Variants in SLC3A2 observed in about 807,000 individuals in gnomAD.
SLC3A2 encodes the protein amino acid transporter heavy chain SLC3A2.
A neutral mutation model predicts 48.5 loss-of-function variants in SLC3A2; 32 were observed. The observed-to-expected ratio is 0.66, with a 90% CI of 0.50 to 0.89. The LOEUF (loss-of-function observed/expected upper bound fraction) is 0.89, where lower values mean the gene tolerates loss of function less well. Ranked by LOEUF, SLC3A2 falls within the 40% of genes least tolerant of loss-of-function variation. The pLI, the probability that SLC3A2 is intolerant of heterozygous loss-of-function variation, is 0.00. For synonymous variants in SLC3A2, 277 were observed against 288.8 expected (o/e 0.96, Z 0.41); for missense variants, 587 against 680.7 (o/e 0.86, Z 1.53).
At chr11:62,874,380 T>C (rs1304823404) in intron 1 of SLC3A2, among the ~76,000 whole-genome samples, 4 of 152,176 alleles carry the variant, frequency 2.6e-5, no homozygotes, top group African/African-American at 4.8e-5. Flanking sequence ...GGTGTTTATC[T>C]TTTAGTATTT....
intron 1 of SLC3A2, among the ~76,000 whole-genome samples, chr11:62,860,902 T>C (rs1321445589): frequency 6.6e-6 from 1 of 152,182 alleles, no homozygotes; most frequent in Non-Finnish European, 1.5e-5. Context: ...CCTAAATCCA[T>C]TAAACCTTGA....
rs1590632826 is a variant in SLC3A2, at chr11:62,881,472, G to C, written c.424+25G>C. 6.5e-7 allele frequency: 1 copy of C among 1,544,920 alleles called. No homozygotes were observed. Among genetic ancestry groups the C allele is most frequent in the Non-Finnish European group, 8.7e-7 (1 of 1,153,372 alleles). On this transcript the variant is annotated intron_variant, in intron 1 of 8. Coordinates refer to ENST00000338663, the MANE Select transcript of SLC3A2 (RefSeq NM_001013251.3). This position sits in a 1 kb window ranked among gnomAD's most constrained non-coding sequence, Gnocchi z 4.0. ...GGTGAGTGCAGCGCGCCCCCGTCCC[G>C]GGTACCTCCGGTTGAATCTGGTGGC...
At chr11:62,871,396 GCCTGA>G (rs1401673918) in intron 1 of SLC3A2, among the ~76,000 whole-genome samples, 112 of 151,572 alleles carry the variant, frequency 7.4e-4, no homozygotes, top group African/African-American at 2.6e-3. Flanking sequence ...CCGCCACCAT[GCCTGA>G]CTAATTTTTT....
intron 3 of SLC3A2, chr11:62,884,245 G>C: frequency 1.6e-6 from 1 of 611,254 alleles, no homozygotes; most frequent in South Asian, 1.9e-5. Context: ...GAAGTAAAAT[G>C]CTGTAGCACT....
intron 7 of SLC3A2, among the ~76,000 whole-genome samples, chr11:62,886,202 A>G (rs1291207218): frequency 6.6e-6 from 1 of 152,030 alleles, no homozygotes; most frequent in East Asian, 1.9e-4. Context: ...AGGCAAGAGA[A>G]TCGCTTGAAC....
chr11:62,880,906 G>T lies in SLC3A2; in HGVS notation c.-118G>T, dbSNP rs1424451825. 6.9e-7 allele frequency: 1 copy of T among 1,449,998 alleles called. No homozygotes were observed. The highest frequency in any genetic ancestry group is 9.1e-7 in the Non-Finnish European group (1 of 1,101,360). 89.8% of individuals were successfully genotyped at this position (1,449,998 alleles called of 1,614,324 possible). Reference sequence around the variant, plus strand: ...CGCCTGCTGCTGAGCAGATGCAGTAGCCGAAACTGCGCGGAGGCACAGAGG... The same window carrying T: ...CGCCTGCTGCTGAGCAGATGCAGTATCCGAAACTGCGCGGAGGCACAGAGG... On this transcript the variant is annotated 5_prime_UTR_variant, in exon 1 of 9. An upstream open reading frame in the 5' UTR loses its in-frame stop. Coordinates refer to ENST00000338663, the MANE Select transcript of SLC3A2 (RefSeq NM_001013251.3).
chr11:62,884,762 A>AG, intron 5 of SLC3A2, 72 bp downstream of exon 5: 2 of 1,147,626 alleles, frequency 1.7e-6, no homozygotes, highest in African/African-American at 1.7e-5. Flanking sequence ...AGGCCTAAGA[A>AG]GGGGGGATTC....
Position 62,885,513 on chromosome 11 carries a change from C to T in SLC3A2, c.1048C>T (p.Arg350Ter), listed in dbSNP as rs2085701170. 2 of 1,614,164 alleles carry T rather than the reference C, an allele frequency of 1.2e-6. No individual in the cohort carries two copies. The highest frequency in any genetic ancestry group is 1.7e-6 in the Non-Finnish European group (2 of 1,180,014). Residue 350 changes from arginine to a stop codon, truncating the protein, a stop_gained, in exon 7 of 9, where the codon CGA becomes TGA. Coordinates refer to ENST00000338663, the MANE Select transcript of SLC3A2 (RefSeq NM_001013251.3). LOFTEE classifies it high-confidence loss of function. Reference protein sequence around the residue: ...LTSFLPAQLLRLYQLMLFTLP... With the variant: ...LTSFLPAQLL ...TTCCTTCTTGCCGGCTCAACTTCTC[C>T]GACTCTACCAGCTGATGCTCTTCAC...
Position 62,885,261 on chromosome 11 carries a change from C to A in SLC3A2, c.903C>A (p.Ser301Arg). 6.2e-7 allele frequency: 1 copy of A among 1,614,212 alleles called. No individual in the cohort carries two copies. The highest frequency in any genetic ancestry group is 8.5e-7 in the Non-Finnish European group (1 of 1,180,042). ...CCAACAAAGACTTGCTGTTGACTAG[C>A]TCATACCTGTCTGATTCTGGTTCTA... ...LESNKDLLLT[S>R]SYLSDSGSTG... Residue 301 changes from serine (S) to arginine (R), a missense_variant, in exon 6 of 9, where the codon AGC (serine) becomes AGA (arginine). Transcript: ENST00000338663.
chr11:62,870,214 A>G (rs1234073367), intron 1 of SLC3A2, among the ~76,000 whole-genome samples: 1 of 148,306 alleles, frequency 6.7e-6, no homozygotes, highest in Non-Finnish European at 1.5e-5. Context: ...ACAGAGTCTC[A>G]CTTTGTTGCC....
intron 1 of SLC3A2, among the ~76,000 whole-genome samples, chr11:62,873,466 G>A (rs895922842): frequency 6.6e-6 from 1 of 151,360 alleles, no homozygotes; most frequent in Non-Finnish European, 1.5e-5. Context: ...ACCAGCCAGG[G>A]TGACAGTGCG....
exon 1 of SLC3A2, chr11:62,856,210 A>T: frequency 7.2e-7 from 1 of 1,384,532 alleles, no homozygotes; most frequent in Non-Finnish European, 1.0e-6. Context: ...CTACCCTCTA[A>T]CCCTGTTCTG....
At chr11:62,874,924 G>A (rs912644828) in intron 1 of SLC3A2, among the ~76,000 whole-genome samples, 9 of 151,972 alleles carry the variant, frequency 5.9e-5, no homozygotes, top group East Asian at 3.9e-4. Context: ...CATCGTGTGC[G>A]ACTAATTTTT....
chr11:62,884,549 G>A (rs1455456253), intron 4 of SLC3A2, 24 bp downstream of exon 4: 2 of 1,614,146 alleles, frequency 1.2e-6, no homozygotes, highest in East Asian at 2.2e-5. Flanking sequence ...CCACATTAGG[G>A]ACAAAGCTTG....
At position 62,884,813 on chromosome 11, in the gene SLC3A2, C is replaced by CTTTTTTTTTTTTTTTTTTT. The variant is rs541507991; in HGVS notation, c.818+140_818+158dup. On this transcript the variant is annotated intron_variant, in intron 5 of 8. Transcript: ENST00000338663. Reference sequence around the variant, plus strand: ...TTCTTTACCTTTATTCTTTCTTTAGCTTTTTTTTTTTTTTTTTTTTTTTTT... The same window carrying CTTTTTTTTTTTTTTTTTTT: ...TTCTTTACCTTTATTCTTTCTTTAGCTTTTTTTTTTTTTTTTTTTTTTTTTTTTTTTTTTTTTTTTTTTT... 7.9e-4 allele frequency: 44 copies of CTTTTTTTTTTTTTTTTTTT among 56,014 alleles called. 7 individuals are homozygous for CTTTTTTTTTTTTTTTTTTT. Among genetic ancestry groups the CTTTTTTTTTTTTTTTTTTT allele is most frequent in the African/African-American group, 1.8e-3 (14 of 7,640 alleles). The allele number at this position is 56,014 out of a possible 1,614,324, so 3.5% of individuals were successfully genotyped here.
In SLC3A2 at chr11:62,888,686, C is replaced by A; in HGVS notation, c.1583C>A (p.Ala528Glu). 6.3e-7 allele frequency: 1 copy of A among 1,590,420 alleles called. No homozygotes were observed. Among genetic ancestry groups the A allele is most frequent in the South Asian group, 1.1e-5 (1 of 90,342 alleles). Reference protein sequence around the residue: ...HEGLLLRFPYAA With the variant: ...HEGLLLRFPYEA ...GGGCTGCTGCTCCGCTTCCCCTACGCGGCCTGACTTCAGCCTGACATGGAC... is the reference window on the plus strand; with the variant it reads ...GGGCTGCTGCTCCGCTTCCCCTACGAGGCCTGACTTCAGCCTGACATGGAC... The change falls in exon 9 of 9, where the codon GCG becomes GAG. Residue 528 changes from alanine to glutamate, a missense_variant. Physicochemically the swap from Ala to Glu is moderately radical, Grantham distance 107. Around this residue, in one of 3 missense-constraint regions of SLC3A2, gnomAD observed 169 missense variants for 204.4 expected, o/e 0.83. Coordinates refer to ENST00000338663, the MANE Select transcript of SLC3A2 (RefSeq NM_001013251.3).
chr11:62,861,839 A>G (rs1452373314), intron 1 of SLC3A2, among the ~76,000 whole-genome samples: 3 of 149,732 alleles, frequency 2.0e-5, no homozygotes, highest in Non-Finnish European at 4.4e-5. Flanking sequence ...CGCTTGAGAA[A>G]GGCGGAGGAT....
intron 1 of SLC3A2, among the ~76,000 whole-genome samples, chr11:62,867,920 C>CA (rs1439060271): frequency 1.3e-5 from 2 of 151,192 alleles, no homozygotes; most frequent in Non-Finnish European, 2.9e-5. Context: ...AATTATTTTT[C>CA]AAAAAAAATT....
chr11:62,885,386 C>A, intron 6 of SLC3A2, 29 bp downstream of exon 6: 2 of 1,613,878 alleles, frequency 1.2e-6, no homozygotes, highest in South Asian at 1.1e-5. Flanking sequence ...GGAAAGGGGG[C>A]AGATGGGAGA....
Sources: allele counts gnomAD v4.1 joint callset (sites outside exome capture counted in the v4.1 genomes callset), GRCh38; gene constraint gnomAD v4.1.1; regional missense constraint gnomAD v4.1.1; non-coding constraint Gnocchi (gnomAD v3.1); transcripts MANE v1.5; gene names NCBI Gene and HGNC (gene_info 2026-07-23, HGNC 2026-07-21).